WNK3: variants seen among roughly 807,000 people sequenced by gnomAD.
WNK3 encodes serine/threonine-protein kinase WNK3.
Under a neutral mutation model 116.7 loss-of-function variants are expected in WNK3, and 18 were observed. The ratio of observed to expected loss-of-function variants is 0.15; its 90% CI spans 0.11 to 0.23. WNK3 has a LOEUF of 0.23. Among genes scored for constraint, WNK3 ranks in the 10% least tolerant of loss-of-function variants. The pLI is 1.00. For synonymous variants in WNK3, 404 were observed against 469.4 expected, an observed-to-expected ratio of 0.86 and a Z score of 1.80; for missense variants, 993 against 1,323.8, an observed-to-expected ratio of 0.75 and a Z score of 3.88.
At chrX:54,343,153 A>G (rs782820839) in intron 1 of WNK3, among the ~76,000 whole-genome samples, 1 of 110,616 alleles carries the variant, frequency 9.0e-6, no homozygotes, top group East Asian at 2.9e-4. Context: ...GCCAGGCCTC[A>G]ATAGTTTCTT....
chrX:54,308,205 T>C (rs1281138921), intron 4 of WNK3, 126 bp from the exon 5 acceptor site: 5 of 614,930 alleles, frequency 8.1e-6, no homozygotes, highest in African/African-American at 4.6e-5. Context: ...TTCTTTTTTT[T>C]TTTTGAGACA....
chrX:54,345,240 TCAACAACAACAACAACAA>T (rs78968161), intron 1 of WNK3, among the ~76,000 whole-genome samples: 8 of 93,210 alleles, frequency 8.6e-5, no homozygotes, highest in Non-Finnish European at 6.4e-5. Context: ...AGACTCTGTC[TCAACAACAACAACAACAA>T]CAACAACAAC....
chrX:54,213,731 A>G (rs1472274217), intron 22 of WNK3, among the ~76,000 whole-genome samples: 2 of 109,950 alleles, frequency 1.8e-5, no homozygotes, highest in African/African-American at 6.7e-5. Context: ...GATAAAATTG[A>G]TAAGCTTCTA....
intron 10 of WNK3, among the ~76,000 whole-genome samples, chrX:54,273,655 G>A: frequency 8.9e-6 from 1 of 112,051 alleles, no homozygotes; most frequent in East Asian, 2.8e-4. Context: ...GAAACCAATA[G>A]ATCACATCCA....
chrX:54,293,815 G>T (rs1197702370), intron 8 of WNK3, among the ~76,000 whole-genome samples: 1 of 112,206 alleles, frequency 8.9e-6, no homozygotes, highest in East Asian at 2.8e-4. Context: ...AATACAAAGG[G>T]TCTTAAAGAC....
At position 54,227,173 on chromosome X, in the gene WNK3, T is replaced by A. The variant is rs1221254149; in HGVS notation, c.4870+1541A>T. On this transcript the variant is annotated intron_variant, in intron 22 of 23. Transcript: ENST00000354646. ...CTCACAACTCAACAATTTCTCTACA[T>A]TCCCTCCAACACTTGCTACTGTCTT... 8.0e-5 allele frequency among the ~76,000 whole-genome samples: 9 copies of A among 111,886 alleles called. 1 individual carries two copies. Among genetic ancestry groups the A allele is most frequent in the Non-Finnish European group, 1.7e-4 (9 of 53,154 alleles).
intron 10 of WNK3, among the ~76,000 whole-genome samples, chrX:54,261,611 G>A (rs2068257116): frequency 9.0e-6 from 1 of 111,231 alleles, no homozygotes; most frequent in Admixed American, 9.6e-5. Context: ...TATTCTTTGA[G>A]ACCATTTTCT....
intron 5 of WNK3, among the ~76,000 whole-genome samples, chrX:54,305,623 C>T (rs1399806936): frequency 2.7e-5 from 3 of 111,231 alleles, no homozygotes; most frequent in Non-Finnish European, 5.6e-5. Context: ...CTTACACAAA[C>T]TTCTAGAGTC....
chrX:54,292,838 C>G, intron 10 of WNK3, 50 bp downstream of exon 10: 1 of 1,129,522 alleles, frequency 8.9e-7, no homozygotes, highest in Non-Finnish European at 1.2e-6. Context: ...AAAATCTAGG[C>G]AGTGTTTAAT....
chrX:54,303,846 T>C (rs1339394347), intron 5 of WNK3, among the ~76,000 whole-genome samples: 3 of 111,670 alleles, frequency 2.7e-5, no homozygotes, highest in Non-Finnish European at 5.6e-5. Flanking sequence ...ACTGATATAC[T>C]CATTTCTCAT....
At chrX:54,321,073 T>C (rs1273347326) in intron 2 of WNK3, among the ~76,000 whole-genome samples, 1 of 109,558 alleles carries the variant, frequency 9.1e-6, no homozygotes, top group Non-Finnish European at 1.9e-5. Context: ...ATTTTGGTAT[T>C]TTTAGTAGAG....
chrX:54,313,637 A>G (rs1190227194), intron 2 of WNK3, among the ~76,000 whole-genome samples: 3 of 109,876 alleles, frequency 2.7e-5, no homozygotes, highest in Non-Finnish European at 5.7e-5. Flanking sequence ...GGCGTGAGCC[A>G]CCTCGCCTGG....
chrX:54,213,227 C>T (rs2067636825), intron 22 of WNK3, among the ~76,000 whole-genome samples: 1 of 108,645 alleles, frequency 9.2e-6, no homozygotes, highest in Non-Finnish European at 1.9e-5. Context: ...CTCAAGTAAT[C>T]CTGCTGCCTC....
rs781951636 is a variant in WNK3, at chrX:54,226,617, G to A, written c.4870+2097C>T. Among the ~76,000 whole-genome samples, 218 of 109,721 alleles carry A rather than the reference G, an allele frequency of 2.0e-3. 1 individual carries two copies. Among genetic ancestry groups the A allele is most frequent in the South Asian group, 5.6e-3 (14 of 2,507 alleles). ...AGCACTTTGGGAGGCCAAAGTGGGC[G>A]GATCACCTGAGGTCAGGAGTTTGAG... is the stretch of plus-strand genomic sequence containing the variant. On this transcript the variant is annotated intron_variant, in intron 22 of 23. Coordinates refer to ENST00000354646, the Ensembl canonical transcript of WNK3.
intron 2 of WNK3, among the ~76,000 whole-genome samples, chrX:54,319,356 T>A (rs1281193398): frequency 9.1e-6 from 1 of 110,382 alleles, no homozygotes; most frequent in Non-Finnish European, 1.9e-5. Context: ...AAAGATGGGA[T>A]TTCGCCATGT....
At chrX:54,263,629 C>T (rs943812031) in intron 10 of WNK3, among the ~76,000 whole-genome samples, 6 of 111,439 alleles carry the variant, frequency 5.4e-5, no homozygotes, top group Non-Finnish European at 9.4e-5. Context: ...CAAAGCTGGG[C>T]GAGATTAAAT....
At chrX:54,358,468 A>G (rs1394594572), upstream of WNK3, 2 of 110,771 alleles carry the variant, frequency 1.8e-5, no homozygotes, top group Non-Finnish European at 3.8e-5. Context: ...AGGAGGTGGT[A>G]CCCGCCGGCA....
At chrX:54,253,331 T>G (rs782714303) in intron 13 of WNK3, among the ~76,000 whole-genome samples, 1 of 111,504 alleles carries the variant, frequency 9.0e-6, no homozygotes, top group African/African-American at 3.3e-5. Flanking sequence ...AGTGGCATGA[T>G]CATAGCTCAC....
chrX:54,210,249 T>A (rs1009204767), intron 22 of WNK3, among the ~76,000 whole-genome samples: 1 of 112,056 alleles, frequency 8.9e-6, no homozygotes, highest in Non-Finnish European at 1.9e-5. Flanking sequence ...GAACTTGGCC[T>A]CCATGAGTTA....
Sources: allele counts gnomAD v4.1 joint callset (sites outside exome capture counted in the v4.1 genomes callset), GRCh38; gene constraint gnomAD v4.1.1; transcripts MANE v1.5; gene names NCBI Gene and HGNC (gene_info 2026-07-23, HGNC 2026-07-21).